MYT1L: variants seen among roughly 807,000 people sequenced by gnomAD.
MYT1L encodes the protein myelin transcription factor 1 like, also known as myelin transcription factor 1-like protein.
MYT1L carries 12 observed loss-of-function variants against 126.7 expected under a neutral mutation model. The ratio of observed to expected loss-of-function variants is 0.09; its 90% CI spans 0.06 to 0.15. The LOEUF is 0.15. MYT1L is among the 10% of genes least tolerant of loss of function. The pLI is 1.00. For synonymous variants in MYT1L, 541 were observed against 604.2 expected (o/e 0.90, Z 1.53); for missense variants, 979 against 1,585.2 (o/e 0.62, Z 6.49).
chr2:2,044,734 C>G (rs2067964913), intron 4 of MYT1L, among the ~76,000 whole-genome samples: 2 of 152,142 alleles, frequency 1.3e-5, no homozygotes, highest in African/African-American at 4.8e-5. Context: ...AAAACCCAAC[C>G]CTGGTTTCGT....
intron 2 of MYT1L, among the ~76,000 whole-genome samples, chr2:2,262,430 C>G (rs143829901): frequency 2.3e-4 from 35 of 151,748 alleles, no homozygotes; most frequent in African/African-American, 8.5e-4. Flanking sequence ...CGGTGGCTCA[C>G]GCCTGTAATC....
intron 3 of MYT1L, among the ~76,000 whole-genome samples, chr2:2,134,130 G>A (rs142461903): frequency 2.6e-4 from 40 of 152,110 alleles, no homozygotes; most frequent in African/African-American, 6.7e-4. Context: ...ATTTGCCCTC[G>A]AGTGCACCCA....
chr2:1,865,335 T>G lies in MYT1L; in HGVS notation c.2712-13632A>C, dbSNP rs566529413. On this transcript the variant is annotated intron_variant, in intron 18 of 24. Coordinates refer to ENST00000647738, the MANE Select transcript of MYT1L (RefSeq NM_001303052.2). The stretch of plus-strand genomic sequence containing the variant: ...CTCCTGCGGCCGTGCGGGGTTCCTG[T>G]GGGCTTTGAGGCTGAGGCACTCAGG... Among the ~76,000 whole-genome samples the G allele has an allele frequency of 2.0e-5, 3 of 152,272 alleles. 1 individual carries two copies. The highest frequency in any genetic ancestry group is 4.1e-4 in the South Asian group (2 of 4,826).
At chr2:2,129,450 G>A (rs1415835386) in intron 3 of MYT1L, among the ~76,000 whole-genome samples, 1 of 152,162 alleles carries the variant, frequency 6.6e-6, no homozygotes, top group Non-Finnish European at 1.5e-5. Flanking sequence ...CTTAGAAAAA[G>A]TTCCAAATGG....
At chr2:1,906,016 G>A (rs2051001366) in intron 13 of MYT1L, among the ~76,000 whole-genome samples, 2 of 152,092 alleles carry the variant, frequency 1.3e-5, no homozygotes, top group Non-Finnish European at 2.9e-5. Flanking sequence ...TGCCTTACAG[G>A]TAACAGGTTT....
intron 3 of MYT1L, among the ~76,000 whole-genome samples, chr2:2,162,836 C>T (rs990925636): frequency 1.3e-5 from 2 of 152,198 alleles, no homozygotes; most frequent in South Asian, 2.1e-4. Context: ...TTACAGGCGT[C>T]GGAAATGTTC....
chr2:1,839,361 G>A lies in MYT1L; in HGVS notation c.2868C>T (p.Val956=), dbSNP rs1288460168. 1 of 1,612,688 alleles carries A rather than the reference G, an allele frequency of 6.2e-7. No homozygotes were observed. The highest frequency in any genetic ancestry group is 8.5e-7 in the Non-Finnish European group (1 of 1,179,580). ...KEDQEPIRCP[V]PGCDGQGHIT... is the part of the protein sequence containing the mutation. ...TGTGGCCCTGGCCGTCGCACCCGGG[G>A]ACCGGACACCTGTAGGCAGGCAGAG... The change falls in exon 21 of 25, where the codon GTC becomes GTT. Residue 956 remains valine, a synonymous_variant. Transcript: ENST00000647738.
chr2:1,834,413 G>T (rs2040558397), intron 21 of MYT1L, among the ~76,000 whole-genome samples: 1 of 152,192 alleles, frequency 6.6e-6, no homozygotes, highest in African/African-American at 2.4e-5. Context: ...TACACTTTCA[G>T]AAAATAATAT....
In MYT1L at chr2:2,046,283, G is replaced by A. The variant is rs574481208; in HGVS notation, c.-158+7695C>T. Among the ~76,000 whole-genome samples the A allele has an allele frequency of 9.2e-5, 14 of 152,080 alleles. No homozygotes were observed. The South Asian group carries it at 2.3e-3, about 25-fold the overall frequency. On this transcript the variant is annotated intron_variant, in intron 4 of 24. Coordinates refer to ENST00000647738, the MANE Select transcript of MYT1L (RefSeq NM_001303052.2). ...ACACAAATCATAACATTACATGCAT[G>A]GTTTTTTCACCCTGTACATTTTGTT...
chr2:1,861,376 G>C (rs2044569770), intron 18 of MYT1L, among the ~76,000 whole-genome samples: 1 of 152,144 alleles, frequency 6.6e-6, no homozygotes. Context: ...AGAAAGGAAG[G>C]ATTTCTAGAG....
At chr2:1,920,745 C>T (rs1167091758) in intron 10 of MYT1L, among the ~76,000 whole-genome samples, 21 of 152,164 alleles carry the variant, frequency 1.4e-4, no homozygotes, top group Admixed American at 1.3e-3. Flanking sequence ...ATCTTGTTAA[C>T]GATGATGGCA....
intron 3 of MYT1L, among the ~76,000 whole-genome samples, chr2:2,084,902 T>C (rs1249321679): frequency 6.6e-6 from 1 of 152,222 alleles, no homozygotes; most frequent in African/African-American, 2.4e-5. Context: ...GGTTATTATC[T>C]GACAGATGTG....
At chr2:2,166,970 C>T (rs1212311321) in intron 3 of MYT1L, among the ~76,000 whole-genome samples, 2 of 152,258 alleles carry the variant, frequency 1.3e-5, no homozygotes, top group Admixed American at 6.5e-5. Flanking sequence ...CACATAGCTG[C>T]ATAGTAAGTG....
chr2:1,972,480 C>CT (rs1553371242), intron 8 of MYT1L, among the ~76,000 whole-genome samples: 1 of 152,134 alleles, frequency 6.6e-6, no homozygotes, highest in Non-Finnish European at 1.5e-5. Flanking sequence ...TCTGTTTCTT[C>CT]TTTTTTTATT....
intron 5 of MYT1L, among the ~76,000 whole-genome samples, chr2:1,990,425 G>C (rs990127757): frequency 6.6e-6 from 1 of 152,210 alleles, no homozygotes; most frequent in Non-Finnish European, 1.5e-5. Flanking sequence ...AGGAAATCAC[G>C]AGGAAGACAG....
intron 4 of MYT1L, among the ~76,000 whole-genome samples, chr2:2,046,387 T>C (rs1344813211): frequency 6.6e-6 from 1 of 152,250 alleles, no homozygotes; most frequent in Non-Finnish European, 1.5e-5. Flanking sequence ...TACATGAATA[T>C]AGCATGATTT....
intron 20 of MYT1L, among the ~76,000 whole-genome samples, chr2:1,840,519 T>C (rs1479390603): frequency 2.0e-5 from 3 of 152,132 alleles, no homozygotes; most frequent in Non-Finnish European, 4.4e-5. Flanking sequence ...TTGGGTTACA[T>C]GGAACCTCAG....
Position 1,988,116 on chromosome 2 carries a change from G to A in MYT1L, c.1-8339C>T, listed in dbSNP as rs545533452. ...GTGCTTGTGAGACCTCCACCCTCCC[G>A]CCAGCCCAGCTGCACCTACAGGGTA... On this transcript the variant is annotated intron_variant, in intron 5 of 24. Coordinates refer to ENST00000647738, the MANE Select transcript of MYT1L (RefSeq NM_001303052.2). 1.1e-4 allele frequency among the ~76,000 whole-genome samples: 17 copies of A among 151,920 alleles called. No individual in the cohort carries two copies. In the South Asian group the frequency reaches 1.9e-3, roughly 17 times the overall value.
chr2:1,887,548 G>T lies in MYT1L; in HGVS notation c.2582C>A (p.Thr861Asn), dbSNP rs1251375167. The change falls in exon 17 of 25, where the codon ACC (threonine) becomes AAC (asparagine). Residue 861 changes from threonine (T) to asparagine (N), a missense_variant. Coordinates refer to ENST00000647738, the MANE Select transcript of MYT1L (RefSeq NM_001303052.2). This position sits in a 1 kb window ranked among gnomAD's most constrained non-coding sequence, Gnocchi z 4.8. ...LEERRYPGEV[T>N]IPSPKPKYPQ... ...GTACTTGGGTTTGGGACTTGGGATGGTCACCTCCCCGGGATACCGTCTTTC... is the reference window on the plus strand; with the variant it reads ...GTACTTGGGTTTGGGACTTGGGATGTTCACCTCCCCGGGATACCGTCTTTC... 1 of 1,613,776 alleles carries T rather than the reference G, an allele frequency of 6.2e-7. No homozygotes were observed. Among genetic ancestry groups the T allele is most frequent in the Non-Finnish European group, 8.5e-7 (1 of 1,179,842 alleles).
Sources: gnomAD v4.1 joint callset for allele counts (sites outside exome capture counted in the v4.1 genomes callset) on GRCh38, gnomAD v4.1.1 for gene constraint, Gnocchi (gnomAD v3.1) non-coding constraint, MANE v1.5 for transcripts, NCBI Gene and HGNC (gene_info 2026-07-23, HGNC 2026-07-21) for gene names.